Variants in SLC7A5 observed in about 807,000 individuals in gnomAD.
The protein encoded by SLC7A5 is solute carrier family 7 member 5, also known as large neutral amino acids transporter small subunit 1.
Under a neutral mutation model 50.2 loss-of-function variants are expected in SLC7A5, and 23 were observed. The ratio of observed to expected loss-of-function variants is 0.46; its 90% confidence interval spans 0.33 to 0.65. The LOEUF is 0.65. Among genes scored for constraint, SLC7A5 ranks in the 30% least tolerant of loss-of-function variants. The pLI is 0.02. For missense variants in SLC7A5, 578 were observed against 684.4 expected, an observed-to-expected ratio of 0.84 and a Z score of 1.73; for synonymous variants, 393 against 330.6, an observed-to-expected ratio of 1.19 and a Z score of -2.05.
In SLC7A5 at chr16:87,852,687, T is replaced by C. The variant is rs2055251296; in HGVS notation, c.539-838A>G. 1.6e-5 allele frequency among the ~76,000 whole-genome samples: 2 copies of C among 126,136 alleles called. No individual in the cohort carries two copies. Among genetic ancestry groups the C allele is most frequent in the Admixed American group, 7.7e-5 (1 of 12,932 alleles). 82.8% of individuals were successfully genotyped at this position (126,136 alleles called of 152,430 possible). On this transcript the variant is annotated intron_variant, in intron 1 of 9. Coordinates refer to ENST00000261622, the MANE Select transcript of SLC7A5 (RefSeq NM_003486.7). This position sits in a 1 kb window ranked among gnomAD's most constrained non-coding sequence, Gnocchi z 4.5. Reference sequence around the variant, plus strand: ...GTGTGTGTGTGTGTGTGTGTGTGTGTTGGGGGTTCTGTTGCAATATATAGG... The same window carrying C: ...GTGTGTGTGTGTGTGTGTGTGTGTGCTGGGGGTTCTGTTGCAATATATAGG...
At chr16:87,865,375 C>T (rs2055447602) in intron 1 of SLC7A5, among the ~76,000 whole-genome samples, 1 of 152,146 alleles carries the variant, frequency 6.6e-6, no homozygotes, top group Admixed American at 6.5e-5. Flanking sequence ...CTAGGGCCTG[C>T]CTTGAAGCTT....
chr16:87,849,504 T>C (rs548153558), intron 2 of SLC7A5, among the ~76,000 whole-genome samples: 1 of 152,316 alleles, frequency 6.6e-6, no homozygotes, highest in South Asian at 2.1e-4. Context: ...AATTTGTTTT[T>C]ACAAAAATCA....
chr16:87,866,380 C>T (rs1439227894), intron 1 of SLC7A5, among the ~76,000 whole-genome samples: 1 of 152,210 alleles, frequency 6.6e-6, no homozygotes, highest in Non-Finnish European at 1.5e-5. Flanking sequence ...GGCAGGAGCT[C>T]AGTGGCACCA....
chr16:87,834,755 C>G lies in SLC7A5; in HGVS notation c.1291-164G>C, dbSNP rs2054976866. 6.9e-6 allele frequency: 5 copies of G among 722,984 alleles called. No homozygotes were observed. In the South Asian group the frequency reaches 8.1e-5, roughly 12 times the overall value. 44.8% of individuals were successfully genotyped at this position (722,984 alleles called of 1,614,324 possible). ...CATCTGCCTCACACACCGGGCTGTC[C>G]CGCCCTCGACTCTGCATACAGTGCT... is the stretch of plus-strand genomic sequence containing the variant. On this transcript the variant is annotated intron_variant, in intron 8 of 9. Coordinates refer to ENST00000261622, the MANE Select transcript of SLC7A5 (RefSeq NM_003486.7).
intron 8 of SLC7A5, among the ~76,000 whole-genome samples, chr16:87,835,550 C>T (rs982343452): frequency 3.3e-5 from 5 of 152,170 alleles, no homozygotes; most frequent in African/African-American, 4.8e-5. Flanking sequence ...AGTACAGTGG[C>T]GCGACCTCGG....
At chr16:87,855,972 C>A in intron 1 of SLC7A5, among the ~76,000 whole-genome samples, 1 of 152,194 alleles carries the variant, frequency 6.6e-6, no homozygotes, top group Non-Finnish European at 1.5e-5. Flanking sequence ...TCCTCACCTG[C>A]CCCCGAGCCA....
chr16:87,847,055 C>T (rs559550531), intron 2 of SLC7A5, among the ~76,000 whole-genome samples: 1 of 152,320 alleles, frequency 6.6e-6, no homozygotes, highest in East Asian at 1.9e-4. Context: ...CAGTCCTGAT[C>T]TGGGGTTCGG....
chr16:87,830,686 G>A lies in SLC7A5; in HGVS notation c.*2284C>T, dbSNP rs1322129849. On this transcript the variant is annotated 3_prime_UTR_variant, in exon 10 of 10. Coordinates refer to ENST00000261622, the MANE Select transcript of SLC7A5 (RefSeq NM_003486.7). Reference sequence around the variant, plus strand: ...GCGGAGGAGCTCCCACCCCAGCTCAGACGCCCAGAAGAGACCTGCGCAGTG... The same window carrying A: ...GCGGAGGAGCTCCCACCCCAGCTCAAACGCCCAGAAGAGACCTGCGCAGTG... The A allele has an allele frequency of 1.3e-5, 2 of 152,336 alleles. No homozygotes were observed. Among genetic ancestry groups the A allele is most frequent in the Non-Finnish European group, 2.9e-5 (2 of 68,132 alleles). The allele number at this position is 152,336 out of a possible 1,614,324, so 9.4% of individuals were successfully genotyped here.
At chr16:87,849,418 C>T (rs1337452004) in intron 2 of SLC7A5, among the ~76,000 whole-genome samples, 1 of 152,180 alleles carries the variant, frequency 6.6e-6, no homozygotes, top group Non-Finnish European at 1.5e-5. Flanking sequence ...GGTGGGAGGA[C>T]GCTTTCAACA....
intron 1 of SLC7A5, among the ~76,000 whole-genome samples, chr16:87,866,140 A>G (rs1015387578): frequency 5.9e-5 from 9 of 152,164 alleles, no homozygotes; most frequent in African/African-American, 1.9e-4. Flanking sequence ...CTGCCGACAC[A>G]GGGAAGTCTT....
intron 2 of SLC7A5, 85 bp downstream of exon 2, chr16:87,851,639 C>T (rs953809959): frequency 7.0e-5 from 108 of 1,533,280 alleles, no homozygotes; most frequent in Non-Finnish European, 8.1e-5. Flanking sequence ...CTGGGAGGCA[C>T]CCGGGGACGG....
intron 4 of SLC7A5, 112 bp from the exon 5 acceptor site, chr16:87,839,937 G>T: frequency 7.1e-7 from 1 of 1,418,114 alleles, no homozygotes; most frequent in Non-Finnish European, 9.8e-7. Flanking sequence ...CCTCTGTGCT[G>T]GGCTTCTCGG....
chr16:87,869,037 G>C lies in SLC7A5; in HGVS notation c.386C>G (p.Ala129Gly). The change falls in exon 1 of 10, where the codon GCC (alanine) becomes GGC (glycine). Residue 129 changes from alanine (A) to glycine (G), a missense_variant. By Grantham distance (60) the Ala-to-Gly change is moderately conservative. Around this residue, in one of 2 missense-constraint regions of SLC7A5, gnomAD observed 465 missense variants for 594.6 expected, o/e 0.78. Transcript: ENST00000261622. ...CAGCTCGATCCAGAGCTTGAGGAAG[G>C]CGGGCAGCGAGCCGTAGACCTCCAG... ...YMLEVYGSLP[A>G]FLKLWIELLI... 1 of 1,611,668 alleles carries C rather than the reference G, an allele frequency of 6.2e-7. No homozygotes were observed. Among genetic ancestry groups the C allele is most frequent in the Non-Finnish European group, 8.5e-7 (1 of 1,179,806 alleles).
Position 87,831,184 on chromosome 16 carries a change from T to A in SLC7A5, c.*1786A>T, listed in dbSNP as rs2054931267. ...ACCTGCCTGCTGGTGGTCCTCGGCC[T>A]CCAGACCGTGGGCTGTCCCTTGGAC... On this transcript the variant is annotated 3_prime_UTR_variant, in exon 10 of 10. Transcript: ENST00000261622. 1 of 152,236 alleles carries A rather than the reference T, an allele frequency of 6.6e-6. No individual in the cohort carries two copies. Among genetic ancestry groups the A allele is most frequent in the South Asian group, 2.1e-4 (1 of 4,830 alleles). 9.4% of individuals were successfully genotyped at this position (152,236 alleles called of 1,614,324 possible). A position where few individuals can be genotyped will look rare whatever the true frequency, so the allele number is the denominator to read the frequency against.
At position 87,852,657 on chromosome 16, in the gene SLC7A5, T is replaced by TGTGTGTGTGTGC. The variant is rs2055249793; in HGVS notation, c.539-809_539-808insGCACACACACAC. Among the ~76,000 whole-genome samples the TGTGTGTGTGTGC allele has an allele frequency of 6.7e-6, 1 of 148,650 alleles. No homozygotes were observed. The highest frequency in any genetic ancestry group is 1.5e-5 in the Non-Finnish European group (1 of 67,284). On this transcript the variant is annotated intron_variant, in intron 1 of 9. Coordinates refer to ENST00000261622, the MANE Select transcript of SLC7A5 (RefSeq NM_003486.7). The surrounding 1 kb of genome is among the most constrained non-coding windows in gnomAD (Gnocchi z 4.5). Reference sequence around the variant, plus strand: ...GAGCCTCTGTGTGTGTGTGTGTGTGTGTGTGTGTGTGTGTGTGTGTGTGTG... The same window carrying TGTGTGTGTGTGC: ...GAGCCTCTGTGTGTGTGTGTGTGTGTGTGTGTGTGTGCGTGTGTGTGTGTGTGTGTGTGTGTG...
At chr16:87,847,733 G>T (rs368425454) in intron 2 of SLC7A5, among the ~76,000 whole-genome samples, 2 of 152,150 alleles carry the variant, frequency 1.3e-5, no homozygotes, top group African/African-American at 2.4e-5. Context: ...TGGGGGTGGG[G>T]AGGGACCTGC....
intron 7 of SLC7A5, 194 bp downstream of exon 7, chr16:87,837,651 A>G: frequency 1.7e-6 from 1 of 583,262 alleles, no homozygotes; most frequent in South Asian, 2.1e-5. Flanking sequence ...GGCAGCCACC[A>G]TATATTATTT....
chr16:87,856,825 G>A (rs1055466306), intron 1 of SLC7A5, among the ~76,000 whole-genome samples: 3 of 152,052 alleles, frequency 2.0e-5, no homozygotes, highest in African/African-American at 4.8e-5. Flanking sequence ...GTCATCCCCC[G>A]GGGGAACTTA....
rs890458683 is a variant in SLC7A5, at chr16:87,833,360, CT to C, written c.1469-336del. On this transcript the variant is annotated intron_variant, in intron 9 of 9. Coordinates refer to ENST00000261622, the MANE Select transcript of SLC7A5 (RefSeq NM_003486.7). The surrounding 1 kb of genome is among the most constrained non-coding windows in gnomAD (Gnocchi z 6.0). ...TGCAACGGGGGGATGACAGGCCTTCCTGCAGGTCCACACCCGGGCCACCACC... is the reference window on the plus strand; with the variant it reads ...TGCAACGGGGGGATGACAGGCCTTCCGCAGGTCCACACCCGGGCCACCACC... Among the ~76,000 whole-genome samples, 1 of 152,224 alleles carries C rather than the reference CT, an allele frequency of 6.6e-6. No homozygotes were observed. The highest frequency in any genetic ancestry group is 2.4e-5 in the African/African-American group (1 of 41,460).
Sources: allele counts gnomAD v4.1 joint callset (sites outside exome capture counted in the v4.1 genomes callset), GRCh38; gene constraint gnomAD v4.1.1; regional missense constraint gnomAD v4.1.1; non-coding constraint Gnocchi (gnomAD v3.1); transcripts MANE v1.5; gene names NCBI Gene and HGNC (gene_info 2026-07-23, HGNC 2026-07-21).